Variants in PAH observed in about 807,000 individuals in gnomAD.
The protein encoded by PAH is phenylalanine-4-hydroxylase.
A neutral mutation model predicts 62.0 loss-of-function variants in PAH; 64 were observed. The ratio of observed to expected loss-of-function variants is 1.03; its 90% CI spans 0.84 to 1.27. The LOEUF (loss-of-function observed/expected upper bound fraction) is 1.27. PAH is among the 50% of genes most tolerant of loss of function. The probability of loss-of-function intolerance (pLI) is 0.00; values close to 1 mark genes in which losing one functional copy is unlikely to be tolerated. For missense variants in PAH, 579 were observed against 542.8 expected (o/e 1.07, Z -0.66); for synonymous variants, 195 against 196.2 (o/e 0.99, Z 0.05).
At chr12:102,917,459 C>G, upstream of PAH, 1 of 393,462 alleles carries the variant, frequency 2.5e-6, no homozygotes, top group East Asian at 5.8e-5. Context: ...GAGCGACGGG[C>G]CACCCAAGCC....
At chr12:102,879,135 G>A (rs1376901263) in intron 3 of PAH, among the ~76,000 whole-genome samples, 1 of 152,062 alleles carries the variant, frequency 6.6e-6, no homozygotes. Context: ...GGAGGAGGAG[G>A]AATAAACAAC....
chr12:102,867,676 A>G (rs1876036930), intron 4 of PAH, among the ~76,000 whole-genome samples: 1 of 152,096 alleles, frequency 6.6e-6, no homozygotes. Context: ...GTGAATTCAA[A>G]ACAAAAGCTT....
At chr12:102,934,244 G>A (rs1214446445) in intron 1 of PAH, among the ~76,000 whole-genome samples, 7 of 151,988 alleles carry the variant, frequency 4.6e-5, no homozygotes. Flanking sequence ...TAGATGTATG[G>A]ATTTGTTTGT....
intron 1 of PAH, chr12:102,914,071 A>G (rs913850658): frequency 6.7e-6 from 3 of 449,092 alleles, no homozygotes; most frequent in Non-Finnish European, 1.2e-5. Context: ...CAAGCCCTGC[A>G]TGAATACTGA....
intron 11 of PAH, 42 bp from the exon 12 acceptor site, chr12:102,840,557 G>T: frequency 7.6e-7 from 1 of 1,320,194 alleles, no homozygotes; most frequent in Non-Finnish European, 1.1e-6. Context: ...GCACCATTTG[G>T]AGAAAGGTAG....
intron 5 of PAH, among the ~76,000 whole-genome samples, chr12:102,856,404 G>T (rs1465841987): frequency 6.6e-6 from 1 of 152,164 alleles, no homozygotes; most frequent in Non-Finnish European, 1.5e-5. Context: ...TCCACCTCTG[G>T]GGGCAGTGCA....
chr12:102,901,854 T>A (rs1877774162), intron 2 of PAH, among the ~76,000 whole-genome samples: 1 of 152,228 alleles, frequency 6.6e-6, no homozygotes, highest in Non-Finnish European at 1.5e-5. Flanking sequence ...TAAGCACCAT[T>A]TTTGTGTTAA....
At chr12:102,854,986 T>G in intron 6 of PAH, 150 bp downstream of exon 6, 1 of 727,602 alleles carries the variant, frequency 1.4e-6, no homozygotes, top group South Asian at 1.5e-5. Context: ...ACAGTGAAAT[T>G]TAGTTCTTCC....
intron 2 of PAH, among the ~76,000 whole-genome samples, chr12:102,907,158 T>C (rs1247675376): frequency 6.6e-6 from 1 of 152,170 alleles, no homozygotes; most frequent in Non-Finnish European, 1.5e-5. Flanking sequence ...GAAGGAATAT[T>C]AGTAGTTAAT....
rs1052456685 is a variant in PAH, at chr12:102,912,967, A to G, written c.61-69T>C. On this transcript the variant is annotated intron_variant, in intron 1 of 12. Transcript: ENST00000553106. The stretch of plus-strand genomic sequence containing the variant: ...AGCAATTCATTCCTGTTAAACCTCC[A>G]TGGACAAAGCAAGCATGAACTCTTT... 5.0e-6 allele frequency: 5 copies of G among 1,003,124 alleles called. No individual in the cohort carries two copies. In the Admixed American group the frequency reaches 8.5e-5, roughly 17 times the overall value. 62.1% of individuals were successfully genotyped at this position (1,003,124 alleles called of 1,614,324 possible).
intron 1 of PAH, chr12:102,914,584 C>T (rs1878316753): frequency 6.6e-6 from 1 of 152,252 alleles, no homozygotes; most frequent in South Asian, 2.1e-4. Context: ...CAGAGAGGTA[C>T]AGATGAGTCT....
chr12:102,840,379 C>G, intron 12 of PAH, 21 bp downstream of exon 12: 1 of 1,436,630 alleles, frequency 7.0e-7, no homozygotes, highest in South Asian at 1.1e-5. Context: ...CGAGTGGCCT[C>G]GTAAGGTGTA....
At position 102,855,174 on chromosome 12, in the gene PAH, T is replaced by A. The variant is rs201245932; in HGVS notation, c.668A>T (p.Asn223Ile). ...AGAAACGTCTTCCAGCTGGGGAATG[T>A]TATCTTCATGGAAGCCACAGTACTT... ...LEKYCGFHEDNIPQLEDVSQF... is the reference protein window; with the variant it reads ...LEKYCGFHEDIIPQLEDVSQF... The change falls in exon 6 of 13, where the codon AAC becomes ATC. Residue 223 changes from asparagine (N) to isoleucine (I), a missense_variant. Coordinates refer to ENST00000553106, the MANE Select transcript of PAH (RefSeq NM_000277.3). 11 of 1,614,070 alleles carry A rather than the reference T, an allele frequency of 6.8e-6. No homozygotes were observed. In the South Asian group the frequency reaches 1.1e-4, roughly 16 times the overall value.
intron 7 of PAH, chr12:102,852,074 G>C (rs1875176793): frequency 2.8e-6 from 1 of 358,652 alleles, no homozygotes; most frequent in Non-Finnish European, 5.3e-6. Context: ...ACCTAAGTGA[G>C]CTATGAGTCA....
chr12:102,890,116 C>A (rs971368525), intron 3 of PAH, among the ~76,000 whole-genome samples: 1 of 152,148 alleles, frequency 6.6e-6, no homozygotes, highest in African/African-American at 2.4e-5. Context: ...GGAACTTTCG[C>A]AATTAAGAAA....
At chr12:102,846,764 AAATGT>A (rs1339720356) in intron 9 of PAH, 126 bp downstream of exon 9, 8 of 744,574 alleles carry the variant, frequency 1.1e-5, no homozygotes, top group Non-Finnish European at 1.7e-5. Flanking sequence ...TCACTTGTGC[AAATGT>A]AACCCACCAC....
In PAH at chr12:102,957,916, T is replaced by C. The variant is rs1282721297; in HGVS notation, c.-96+279A>G. 10 of 237,244 alleles carry C rather than the reference T, an allele frequency of 4.2e-5. No homozygotes were observed. The highest frequency in any genetic ancestry group is 2.3e-4 in the African/African-American group (10 of 44,300). 14.7% of individuals were successfully genotyped at this position (237,244 alleles called of 1,614,324 possible). A position where few individuals can be genotyped will look rare whatever the true frequency, so the allele number is the denominator to read the frequency against. Reference sequence around the variant, plus strand: ...TTTGCTGCTGCTTCTGCTTTTTTTTTTCTTAGAAACAAGAAGGCGCCAGCG... The same window carrying C: ...TTTGCTGCTGCTTCTGCTTTTTTTTCTCTTAGAAACAAGAAGGCGCCAGCG... On this transcript the variant is annotated intron_variant, in intron 1 of 4. Coordinates refer to the PAH transcript ENST00000551337. The surrounding 1 kb of genome is among the most constrained non-coding windows in gnomAD (Gnocchi z 4.1).
At chr12:102,877,223 T>C in intron 4 of PAH, 1 of 561,542 alleles carries the variant, frequency 1.8e-6, no homozygotes, top group East Asian at 3.3e-5. Context: ...ACCTAGTATA[T>C]AGAGACAATA....
At position 102,945,584 on chromosome 12, in the gene PAH, C is replaced by G. The variant is rs1879463954; in HGVS notation, c.-96+5005G>C. Among the ~76,000 whole-genome samples, 3 of 152,112 alleles carry G rather than the reference C, an allele frequency of 2.0e-5. No individual in the cohort carries two copies. The South Asian group carries it at 6.2e-4, about 32-fold the overall frequency. ...GTCTCTCACCCTGGCTACCACTGCC[C>G]CAGACCCACAGGGAGTACTGCCAGG... On this transcript the variant is annotated intron_variant, in intron 1 of 3. Coordinates refer to the PAH transcript ENST00000546844.
Sources: allele counts gnomAD v4.1 joint callset (sites outside exome capture counted in the v4.1 genomes callset), GRCh38; gene constraint gnomAD v4.1.1; non-coding constraint Gnocchi (gnomAD v3.1); transcripts MANE v1.5; gene names NCBI Gene and HGNC (gene_info 2026-07-23, HGNC 2026-07-21).